Variants in TTC17 observed in about 807,000 individuals in gnomAD.
The protein encoded by TTC17 is tetratricopeptide repeat protein 17.
Under a neutral mutation model 143.8 loss-of-function variants are expected in TTC17, and 58 were observed. That is an observed-to-expected ratio of 0.40 (90% CI 0.33 to 0.50). The LOEUF (loss-of-function observed/expected upper bound fraction) is 0.50, where lower values mean the gene tolerates loss of function less well. Among genes scored for constraint, TTC17 ranks in the 20% least tolerant of loss-of-function variants. The probability of loss-of-function intolerance (pLI) is 0.49; values close to 1 mark genes in which losing one functional copy is unlikely to be tolerated. For synonymous variants in TTC17, 501 were observed against 497.8 expected, an observed-to-expected ratio of 1.01 and a Z score of -0.09; for missense variants, 1,273 against 1,392.5, an observed-to-expected ratio of 0.91 and a Z score of 1.37.
intron 21 of TTC17, among the ~76,000 whole-genome samples, chr11:43,481,300 AAGTC>A (rs1440567438): frequency 2.0e-5 from 3 of 152,284 alleles, no homozygotes; most frequent in East Asian, 3.9e-4. Context: ...CATTATGCAT[AAGTC>A]AGTCAGTTTG....
At chr11:43,467,803 TA>T (rs1252269771) in intron 21 of TTC17, among the ~76,000 whole-genome samples, 1 of 149,748 alleles carries the variant, frequency 6.7e-6, no homozygotes, top group East Asian at 2.0e-4. Flanking sequence ...TCCAAACTGA[TA>T]TATAAAGACA....
chr11:43,410,068 G>T (rs1413377546), intron 15 of TTC17, among the ~76,000 whole-genome samples: 3 of 151,994 alleles, frequency 2.0e-5, no homozygotes, highest in Non-Finnish European at 4.4e-5. Flanking sequence ...GGCCAGGCTG[G>T]TCTCAAACTC....
At chr11:43,455,518 A>G (rs1947746483) in intron 21 of TTC17, among the ~76,000 whole-genome samples, 1 of 152,120 alleles carries the variant, frequency 6.6e-6, no homozygotes. Flanking sequence ...GCAGGGGGAC[A>G]TGACCATAAA....
chr11:43,480,988 A>T (rs539001223), intron 21 of TTC17, among the ~76,000 whole-genome samples: 1 of 152,162 alleles, frequency 6.6e-6, no homozygotes, highest in African/African-American at 2.4e-5. Flanking sequence ...AAGGAACTGC[A>T]TATTTTTATG....
At chr11:43,404,554 A>C (rs532761049) in intron 11 of TTC17, among the ~76,000 whole-genome samples, 26 of 152,326 alleles carry the variant, frequency 1.7e-4, no homozygotes, top group Non-Finnish European at 3.4e-4. Context: ...TCTGGAGCCT[A>C]CATTCTGGTA....
chr11:43,431,287 C>A (rs1447235341), intron 16 of TTC17, among the ~76,000 whole-genome samples: 1 of 152,138 alleles, frequency 6.6e-6, no homozygotes, highest in Non-Finnish European at 1.5e-5. Context: ...GTTATATACC[C>A]AGTAATGGGA....
intron 16 of TTC17, among the ~76,000 whole-genome samples, chr11:43,430,185 T>C (rs888051453): frequency 5.3e-5 from 8 of 152,202 alleles, no homozygotes; most frequent in Admixed American, 6.5e-5. Context: ...CCCAGCACTT[T>C]GGGAGGCCAA....
intron 21 of TTC17, among the ~76,000 whole-genome samples, chr11:43,469,367 TGTATC>T (rs1457567682): frequency 2.6e-5 from 4 of 152,122 alleles, no homozygotes; most frequent in Admixed American, 6.5e-5. Context: ...CTGCTAGAAA[TGTATC>T]AAAGAGACAT....
intron 2 of TTC17, among the ~76,000 whole-genome samples, chr11:43,380,396 C>G (rs1044036881): frequency 6.6e-6 from 1 of 152,208 alleles, no homozygotes; most frequent in African/African-American, 2.4e-5. Context: ...GCTGGGATTA[C>G]AGGCACCTGC....
intron 21 of TTC17, among the ~76,000 whole-genome samples, chr11:43,479,887 C>T (rs973291169): frequency 6.6e-6 from 1 of 152,112 alleles, no homozygotes; most frequent in Non-Finnish European, 1.5e-5. Context: ...CAGAGAGGGA[C>T]AGCCTTGTGG....
chr11:43,392,133 A>G (rs996399947), intron 5 of TTC17, among the ~76,000 whole-genome samples, 181 bp downstream of exon 5: 2 of 152,264 alleles, frequency 1.3e-5, no homozygotes, highest in Non-Finnish European at 2.9e-5. Flanking sequence ...TGGATAGACT[A>G]GTCTCCTTTC....
chr11:43,450,344 A>T, intron 20 of TTC17, 103 bp downstream of exon 20: 1 of 1,348,002 alleles, frequency 7.4e-7, no homozygotes, highest in Non-Finnish European at 9.8e-7. Flanking sequence ...AAAAAAAAAT[A>T]GGGGCTTTTT....
At chr11:43,362,273 CCT>C (rs1365897421) in intron 1 of TTC17, among the ~76,000 whole-genome samples, 1 of 151,918 alleles carries the variant, frequency 6.6e-6, no homozygotes, top group East Asian at 1.9e-4. Context: ...CCCACCTTGG[CCT>C]CTCAAAGTGC....
intron 23 of TTC17, 41 bp from the exon 24 acceptor site, chr11:43,493,732 C>G: frequency 6.2e-7 from 1 of 1,613,598 alleles, no homozygotes; most frequent in Non-Finnish European, 8.5e-7. Flanking sequence ...ATTTAGTCTG[C>G]TGGTGCCATC....
chr11:43,397,829 G>A (rs536732292), intron 7 of TTC17, 145 bp from the exon 8 acceptor site: 420 of 1,172,892 alleles, frequency 3.6e-4, no homozygotes, highest in Non-Finnish European at 4.8e-4. Flanking sequence ...AGAGTAAGAG[G>A]TAGGTGTGAT....
At chr11:43,493,602 G>A (rs2134501611) in intron 23 of TTC17, among the ~76,000 whole-genome samples, 171 bp from the exon 24 acceptor site, 1 of 152,282 alleles carries the variant, frequency 6.6e-6, no homozygotes, top group Admixed American at 6.5e-5. Context: ...AATGAAGGCA[G>A]CTGTTTCCTC....
intron 15 of TTC17, 28 bp downstream of exon 15, chr11:43,407,605 C>T (rs770970836): frequency 5.7e-6 from 9 of 1,583,452 alleles, no homozygotes; most frequent in South Asian, 3.3e-5. Flanking sequence ...TTCATAGTTC[C>T]GTATACTATG....
At chr11:43,387,078 C>A (rs1857196542) in intron 2 of TTC17, among the ~76,000 whole-genome samples, 1 of 152,140 alleles carries the variant, frequency 6.6e-6, no homozygotes, top group South Asian at 2.1e-4. Flanking sequence ...GCCACCACGC[C>A]AATCCTACTA....
rs1164494803 is a variant in TTC17 at position 43,401,517 on chromosome 11, T to C, written c.1291T>C (p.Tyr431His). The change falls in exon 10 of 24, where the codon TAT (tyrosine) becomes CAT (histidine). Residue 431 changes from tyrosine to histidine, a missense_variant. Around this residue, in one of 3 missense-constraint regions of TTC17, gnomAD observed 878 missense variants for 899.8 expected, o/e 0.98. Coordinates refer to ENST00000039989, the MANE Select transcript of TTC17 (RefSeq NM_018259.6). ...LHCQWDQPVR[Y>H]HRGDIFENVD... is the part of the protein sequence containing the mutation. ...TTGCCAGTGGGACCAGCCTGTACGC[T>C]ATCATCGTGGAGATATCTTTGAAAA... The C allele has an allele frequency of 2.5e-6, 4 of 1,613,514 alleles. No homozygotes were observed. The highest frequency in any genetic ancestry group is 3.4e-6 in the Non-Finnish European group (4 of 1,179,834).
Sources: allele counts gnomAD v4.1 joint callset (sites outside exome capture counted in the v4.1 genomes callset), GRCh38; gene constraint gnomAD v4.1.1; regional missense constraint gnomAD v4.1.1; transcripts MANE v1.5; gene names NCBI Gene and HGNC (gene_info 2026-07-23, HGNC 2026-07-21).